Variants in COL11A1 observed in about 807,000 individuals in gnomAD.
The protein encoded by COL11A1 is collagen type XI alpha 1 chain, also known as collagen alpha-1(XI) chain.
In COL11A1, 74 loss-of-function variants were observed where a neutral mutation model predicts 265.2. That is an observed-to-expected ratio of 0.28 (90% CI 0.23 to 0.34). The LOEUF is 0.34. Among genes scored for constraint, COL11A1 ranks in the 10% least tolerant of loss-of-function variants. COL11A1 has a pLI of 1.00. For synonymous variants in COL11A1, 816 were observed against 727.6 expected (o/e 1.12, Z -1.96); for missense variants, 2,165 against 2,263.6 (o/e 0.96, Z 0.88).
At chr1:102,947,875 T>C (rs549587983) in intron 41 of COL11A1, among the ~76,000 whole-genome samples, 30 of 152,010 alleles carry the variant, frequency 2.0e-4, no homozygotes, top group African/African-American at 6.7e-4. Flanking sequence ...CTTTGGATTC[T>C]CAGAGGGGTG....
chr1:102,967,584 T>A (rs1184998627), intron 37 of COL11A1, among the ~76,000 whole-genome samples: 2 of 152,144 alleles, frequency 1.3e-5, no homozygotes, highest in Non-Finnish European at 2.9e-5. Flanking sequence ...TTCTAGCCAA[T>A]AGGGGCCCAG....
chr1:102,961,917 A>G lies in COL11A1; in HGVS notation c.3117T>C (p.Gly1039=), dbSNP rs763205071. The change falls in exon 41 of 67, where the codon GGT becomes GGC. Residue 1039 remains glycine (G), a splice_region_variant and synonymous_variant. Coordinates refer to ENST00000370096, the MANE Select transcript of COL11A1 (RefSeq NM_001854.4). Reference sequence around the variant, plus strand: ...CTTCCCCTCCTTTCAGTCCAGGTGCACCCTGGGAAAAGTGAAAAAAATAAA... The same window carrying G: ...CTTCCCCTCCTTTCAGTCCAGGTGCGCCCTGGGAAAAGTGAAAAAAATAAA... ...PGERGLPGAQ[G]APGLKGGEGP... The G allele has an allele frequency of 3.7e-6, 6 of 1,612,550 alleles. No homozygotes were observed. Among genetic ancestry groups the G allele is most frequent in the Non-Finnish European group, 3.4e-6 (4 of 1,179,442 alleles).
intron 54 of COL11A1, among the ~76,000 whole-genome samples, chr1:102,906,876 T>C (rs1570690516): frequency 1.3e-5 from 2 of 152,252 alleles, no homozygotes; most frequent in East Asian, 3.9e-4. Context: ...GTAATAAGAT[T>C]GTTGACATAA....
intron 4 of COL11A1, among the ~76,000 whole-genome samples, chr1:103,054,190 T>A (rs2102154655): frequency 6.6e-6 from 1 of 152,334 alleles, no homozygotes; most frequent in Middle Eastern, 3.4e-3. Context: ...AGAAAGTAAT[T>A]TTGTTGTTTT....
At chr1:102,925,936 C>A (rs1656546335) in intron 46 of COL11A1, among the ~76,000 whole-genome samples, 1 of 152,032 alleles carries the variant, frequency 6.6e-6, no homozygotes, top group Non-Finnish European at 1.5e-5. Flanking sequence ...TAGAGTGCAT[C>A]TAATTTAGTA....
Position 103,102,072 on chromosome 1 carries a change from T to G in COL11A1, c.106+6001A>C, listed in dbSNP as rs569167190. Among the ~76,000 whole-genome samples, 9 of 152,188 alleles carry G rather than the reference T, an allele frequency of 5.9e-5. No homozygotes were observed. In the South Asian group the frequency reaches 1.9e-3, roughly 32 times the overall value. On this transcript the variant is annotated intron_variant, in intron 1 of 66. Transcript: ENST00000370096. ...CTCACTAAATCACTTTAAAATTGTC[T>G]TTCATCTTTGCTACAAGCTAGTATT... is the stretch of plus-strand genomic sequence containing the variant.
intron 46 of COL11A1, among the ~76,000 whole-genome samples, chr1:102,931,516 T>C (rs1657441974): frequency 6.6e-6 from 1 of 152,214 alleles, no homozygotes; most frequent in African/African-American, 2.4e-5. Flanking sequence ...CTTCCAAGTA[T>C]GTGGTCAATT....
intron 57 of COL11A1, among the ~76,000 whole-genome samples, chr1:102,892,083 A>G (rs1300311344): frequency 1.3e-5 from 2 of 152,156 alleles, no homozygotes; most frequent in Non-Finnish European, 2.9e-5. Flanking sequence ...GGGCCACGAT[A>G]ACCTAGATAT....
intron 1 of COL11A1, among the ~76,000 whole-genome samples, chr1:103,095,143 G>A (rs149242597): frequency 2.0e-5 from 3 of 152,012 alleles, no homozygotes; most frequent in Admixed American, 6.6e-5. Context: ...ACTATACTAT[G>A]TATGTATGTC....
chr1:103,040,276 T>C (rs376134252), intron 4 of COL11A1, among the ~76,000 whole-genome samples: 1 of 151,044 alleles, frequency 6.6e-6, no homozygotes, highest in Non-Finnish European at 1.5e-5. Flanking sequence ...ATATTCCAAT[T>C]ATATATATTA....
chr1:103,013,655 T>G lies in COL11A1; in HGVS notation c.1572+856A>C, dbSNP rs958848524. On this transcript the variant is annotated intron_variant, in intron 13 of 66. Transcript: ENST00000370096. ...AAATATTGAGGATGAATTACAATTTTTACTCATGTTTTCAGATATTTTTAC... is the reference window on the plus strand; with the variant it reads ...AAATATTGAGGATGAATTACAATTTGTACTCATGTTTTCAGATATTTTTAC... Among the ~76,000 whole-genome samples, 13 of 151,952 alleles carry G rather than the reference T, an allele frequency of 8.6e-5. 1 individual carries two copies. The highest frequency in any genetic ancestry group is 1.8e-4 in the Non-Finnish European group (12 of 67,880).
rs540908514 is a variant in COL11A1 at position 103,103,738 on chromosome 1, A to G, written c.106+4335T>C. Among the ~76,000 whole-genome samples, 64 of 78,814 alleles carry G rather than the reference A, an allele frequency of 8.1e-4. No individual in the cohort carries two copies. In the South Asian group the frequency reaches 0.025, roughly 31 times the overall value. 51.7% of individuals were successfully genotyped at this position (78,814 alleles called of 152,430 possible). A position where few individuals can be genotyped will look rare whatever the true frequency, so the allele number is the denominator to read the frequency against. ...CACATATGGTAATTAAATTTGTAAT[A>G]GTTGTTGATTGCACAACAGATATCA... On this transcript the variant is annotated intron_variant, in intron 1 of 66. Transcript: ENST00000370096.
intron 4 of COL11A1, among the ~76,000 whole-genome samples, chr1:103,059,612 T>C (rs34137810): frequency 0.072 from 10,981 of 152,096 alleles, 563 homozygotes; most frequent in African/African-American, 0.14. Flanking sequence ...CTAAGAACTT[T>C]AATAAAAAAG....
In COL11A1 at chr1:102,934,554, T is replaced by C. The variant is rs1553208812; in HGVS notation, c.3495A>G (p.Gly1165=). Residue 1165 remains glycine, a splice_region_variant and synonymous_variant, in exon 46 of 67, where the codon GGA becomes GGG. Transcript: ENST00000370096. ...QGPVGAPGIA[G]GDGEPGPRGQ... ...CTCTAGGACCTGGTTCACCATCACC[T>C]CCCTAGAGAAGAGAAAGAAACATTA... 6.2e-7 allele frequency: 1 copy of C among 1,610,948 alleles called. No homozygotes were observed. The highest frequency in any genetic ancestry group is 8.5e-7 in the Non-Finnish European group (1 of 1,177,316).
At chr1:102,895,615 C>T (rs868108884) in intron 57 of COL11A1, among the ~76,000 whole-genome samples, 3 of 151,974 alleles carry the variant, frequency 2.0e-5, no homozygotes, top group Non-Finnish European at 2.9e-5. Flanking sequence ...AGCTTTCACA[C>T]AGATTAATTT....
chr1:102,908,231 GT>G (rs1433226182), intron 54 of COL11A1, among the ~76,000 whole-genome samples: 1 of 151,562 alleles, frequency 6.6e-6, no homozygotes, highest in Non-Finnish European at 1.5e-5. Context: ...TTTTTCTATT[GT>G]TTTTTCTTGC....
chr1:102,952,969 TAATGAGAATC>T (rs1660031597), intron 41 of COL11A1, among the ~76,000 whole-genome samples: 1 of 152,226 alleles, frequency 6.6e-6, no homozygotes, highest in Admixed American at 6.5e-5. Context: ...TGTTCAACAC[TAATGAGAATC>T]TATTCTCTTG....
chr1:102,914,400 A>G lies in COL11A1; in HGVS notation c.3930T>C (p.Pro1310=). The G allele has an allele frequency of 6.2e-7, 1 of 1,607,258 alleles. No individual in the cohort carries two copies. Among genetic ancestry groups the G allele is most frequent in the Non-Finnish European group, 8.5e-7 (1 of 1,175,762 alleles). Residue 1310 remains proline, a synonymous_variant, in exon 52 of 67, where the codon CCT becomes CCC. Transcript: ENST00000370096. The part of the protein sequence containing the change: ...GDDGPKGNPG[P]VGFPGDPGPP... ...GACCAGGATCTCCAGGAAAACCAAC[A>G]GGACCCTAGAATGACGTTTTGAAAG...
At chr1:102,898,321 T>C (rs1652709779) in intron 56 of COL11A1, 143 bp from the exon 57 acceptor site, 3 of 363,168 alleles carry the variant, frequency 8.3e-6, no homozygotes, top group Admixed American at 4.6e-5. Context: ...TCTACAAATA[T>C]TGTAAATAAT....
Sources: allele counts gnomAD v4.1 joint callset (sites outside exome capture counted in the v4.1 genomes callset), GRCh38; gene constraint gnomAD v4.1.1; transcripts MANE v1.5; gene names NCBI Gene and HGNC (gene_info 2026-07-23, HGNC 2026-07-21).